The following GLG1 variants were observed in gnomAD, a reference collection of about 807,000 sequenced individuals.
GLG1 encodes the protein golgi glycoprotein 1, also known as Golgi apparatus protein 1.
Under a neutral mutation model 160.5 loss-of-function variants are expected in GLG1, and 38 were observed. That is an observed-to-expected ratio of 0.24 (90% CI 0.18 to 0.31). GLG1 has a LOEUF of 0.31. Ranked by LOEUF, GLG1 falls within the 10% of genes least tolerant of loss-of-function variation. The probability of loss-of-function intolerance (pLI) is 1.00; values close to 1 mark genes in which losing one functional copy is unlikely to be tolerated. For missense variants in GLG1, 1,373 were observed against 1,505.2 expected (o/e 0.91, Z 1.45); for synonymous variants, 644 against 543.4 (o/e 1.19, Z -2.57).
intron 11 of GLG1, among the ~76,000 whole-genome samples, chr16:74,478,594 T>C (rs2015476989): frequency 6.6e-6 from 1 of 152,164 alleles, no homozygotes; most frequent in African/African-American, 2.4e-5. Context: ...GTAAATGTAC[T>C]AAATGTCACT....
intron 1 of GLG1, among the ~76,000 whole-genome samples, chr16:74,586,333 G>C (rs1197963054): frequency 6.6e-6 from 1 of 152,138 alleles, no homozygotes; most frequent in East Asian, 1.9e-4. Context: ...GTCCTAATTA[G>C]CACATGAACT....
intron 1 of GLG1, among the ~76,000 whole-genome samples, chr16:74,597,378 C>G (rs896367352): frequency 2.7e-5 from 4 of 148,308 alleles, no homozygotes; most frequent in African/African-American, 1.0e-4. Flanking sequence ...TTGCAGTGAG[C>G]TGACATCATG....
intron 11 of GLG1, among the ~76,000 whole-genome samples, 178 bp from the exon 12 acceptor site, chr16:74,477,711 C>T (rs971731738): frequency 2.0e-5 from 3 of 152,130 alleles, no homozygotes; most frequent in African/African-American, 4.8e-5. Flanking sequence ...CGGTGGCTCA[C>T]GCATGTAATC....
intron 3 of GLG1, 62 bp from the exon 4 acceptor site, chr16:74,503,808 T>C (rs1597278432): frequency 9.3e-7 from 1 of 1,079,212 alleles, no homozygotes; most frequent in East Asian, 2.4e-5. Flanking sequence ...ACAATATTTA[T>C]CAAAGAGAAA....
At chr16:74,557,367 T>A (rs1397310464) in intron 1 of GLG1, among the ~76,000 whole-genome samples, 1 of 152,170 alleles carries the variant, frequency 6.6e-6, no homozygotes, top group African/African-American at 2.4e-5. Context: ...GGTCTTTAGA[T>A]AGCAAAATAG....
chr16:74,595,867 TAATCCCA>T (rs1958288137), intron 1 of GLG1, among the ~76,000 whole-genome samples: 2 of 152,238 alleles, frequency 1.3e-5, no homozygotes, highest in Admixed American at 1.3e-4. Flanking sequence ...CTCACGCTTG[TAATCCCA>T]GCACTTTGGG....
At chr16:74,484,800 G>C (rs1008940718) in intron 9 of GLG1, among the ~76,000 whole-genome samples, 2 of 152,078 alleles carry the variant, frequency 1.3e-5, no homozygotes, top group African/African-American at 2.4e-5. Context: ...ATTTTTAGTA[G>C]AGACGGGGTT....
At chr16:74,462,224 G>A (rs2143180142) in intron 21 of GLG1, 29 bp from the exon 22 acceptor site, 1 of 1,190,068 alleles carries the variant, frequency 8.4e-7, no homozygotes, top group East Asian at 2.3e-5. Context: ...GGATACATGG[G>A]CTGATCAGAA....
chr16:74,531,916 C>A (rs183783975), intron 2 of GLG1, among the ~76,000 whole-genome samples: 46 of 152,164 alleles, frequency 3.0e-4, no homozygotes, highest in Admixed American at 2.4e-3. Context: ...AACTTAAGTA[C>A]GTAAATATTA....
At position 74,449,525 on chromosome 16, in the gene GLG1, A is replaced by G. The variant is rs2014203049; in HGVS notation, c.*3642T>C. The stretch of plus-strand genomic sequence containing the variant: ...TGTTAGTTGATCTCAGGAAACAGAA[A>G]CAAATGAAATCTGACAGTAACTTTC... On this transcript the variant is annotated 3_prime_UTR_variant, in exon 26 of 26. Transcript: ENST00000422840. The G allele has an allele frequency of 1.3e-5, 2 of 152,218 alleles. No individual in the cohort carries two copies. The highest frequency in any genetic ancestry group is 4.8e-5 in the African/African-American group (2 of 41,458). The allele number at this position is 152,218 out of a possible 1,614,324, so 9.4% of individuals were successfully genotyped here.
In GLG1 at chr16:74,456,658, G is replaced by A. The variant is rs9945; in HGVS notation, c.3363C>T (p.Tyr1121=). The change falls in exon 25 of 26, where the codon TAC becomes TAT. Residue 1121 remains tyrosine, a synonymous_variant. Coordinates refer to ENST00000422840, the MANE Select transcript of GLG1 (RefSeq NM_001145667.2). ...RLNDRIEMWS[Y]AAKVAPADGF... ...TTCTCTTGGTCATTACCTTTGCTGC[G>A]TAACTCCACATCTCAATCCGGTCAT... is the stretch of plus-strand genomic sequence containing the variant. 267,705 of 1,592,686 alleles carry A rather than the reference G, an allele frequency of 0.17. 24,403 individuals carry two copies. Among genetic ancestry groups the A allele is most frequent in the African/African-American group, 0.26 (19,106 of 73,912 alleles).
chr16:74,495,383 G>A (rs1307226508), intron 5 of GLG1, among the ~76,000 whole-genome samples: 1 of 152,178 alleles, frequency 6.6e-6, no homozygotes, highest in Non-Finnish European at 1.5e-5. Context: ...CAAAGTGCTG[G>A]GATTACAGGC....
intron 2 of GLG1, among the ~76,000 whole-genome samples, chr16:74,529,571 CT>C (rs984272131): frequency 6.6e-6 from 1 of 151,216 alleles, no homozygotes; most frequent in Non-Finnish European, 1.5e-5. Context: ...GGATCTCTCT[CT>C]GTTGGCTACT....
At chr16:74,606,610 G>A (rs112012349) in intron 1 of GLG1, 47 bp downstream of exon 1, 1 of 1,486,440 alleles carries the variant, frequency 6.7e-7, no homozygotes, top group South Asian at 1.3e-5. Context: ...CAACACCCTC[G>A]GGCCCGCACC....
At chr16:74,534,238 G>C (rs1399205376) in intron 1 of GLG1, among the ~76,000 whole-genome samples, 1 of 151,832 alleles carries the variant, frequency 6.6e-6, no homozygotes, top group Non-Finnish European at 1.5e-5. Context: ...TCCATGCTGA[G>C]TCGACCTAGC....
At chr16:74,581,149 C>CA (rs1281457522) in intron 1 of GLG1, among the ~76,000 whole-genome samples, 2 of 151,256 alleles carry the variant, frequency 1.3e-5, no homozygotes, top group Non-Finnish European at 2.9e-5. Flanking sequence ...GGGTATATAC[C>CA]AAAAAAAAGT....
intron 2 of GLG1, among the ~76,000 whole-genome samples, chr16:74,521,631 C>T (rs967882039): frequency 1.3e-5 from 2 of 152,118 alleles, no homozygotes; most frequent in Admixed American, 6.6e-5. Flanking sequence ...TCAAGAGTTT[C>T]GTTCTGGAAA....
chr16:74,467,712 C>G, intron 18 of GLG1, 44 bp downstream of exon 18: 1 of 1,210,330 alleles, frequency 8.3e-7, no homozygotes, highest in Non-Finnish European at 1.2e-6. Context: ...TAAATATTAC[C>G]TTCACATTAC....
At chr16:74,502,840 G>A (rs939780349) in intron 4 of GLG1, among the ~76,000 whole-genome samples, 1 of 149,496 alleles carries the variant, frequency 6.7e-6, no homozygotes, top group Admixed American at 6.7e-5. Flanking sequence ...AAAGTGTTGG[G>A]ATTACAGGCA....
Sources: allele counts gnomAD v4.1 joint callset (sites outside exome capture counted in the v4.1 genomes callset), GRCh38; gene constraint gnomAD v4.1.1; transcripts MANE v1.5; gene names NCBI Gene and HGNC (gene_info 2026-07-23, HGNC 2026-07-21).